The following NBEA variants were observed in gnomAD, a reference collection of about 807,000 sequenced individuals.
The protein encoded by NBEA is neurobeachin.
A neutral mutation model predicts 343.4 loss-of-function variants in NBEA; 44 were observed. That is an observed-to-expected ratio of 0.13 (90% CI 0.10 to 0.16). NBEA has a LOEUF of 0.16. Among genes scored for constraint, NBEA ranks in the 10% least tolerant of loss-of-function variants. The pLI is 1.00. For missense variants in NBEA, 2,555 were observed against 3,631.3 expected (o/e 0.70, Z 7.62); for synonymous variants, 1,175 against 1,238.7 (o/e 0.95, Z 1.08).
chr13:34,942,506 G>T lies in NBEA; in HGVS notation c.-315G>T, dbSNP rs1458249276. The T allele has an allele frequency of 1.6e-5, 3 of 189,800 alleles. No homozygotes were observed. The highest frequency in any genetic ancestry group is 3.2e-5 in the Non-Finnish European group (3 of 93,684). 11.8% of individuals were successfully genotyped at this position (189,800 alleles called of 1,614,324 possible). On this transcript the variant is annotated 5_prime_UTR_variant, in exon 1 of 59. Transcript: ENST00000379939. ...GCCGGGCCGGACAGACCGGGAGAGG[G>T]AGAGAGCAGAGGCAGCGGCGGCGGC...
At chr13:35,426,654 G>C (rs1422411417) in intron 38 of NBEA, among the ~76,000 whole-genome samples, 1 of 152,098 alleles carries the variant, frequency 6.6e-6, no homozygotes, top group Non-Finnish European at 1.5e-5. Flanking sequence ...GAGTATCTTT[G>C]TGGCGGTCTC....
intron 1 of NBEA, among the ~76,000 whole-genome samples, chr13:34,978,134 A>G (rs1457376939): frequency 6.6e-6 from 1 of 152,158 alleles, no homozygotes; most frequent in Admixed American, 6.5e-5. Flanking sequence ...CAATCTTCAA[A>G]CCTTGGGATG....
At chr13:35,179,187 T>C (rs1294568214) in intron 28 of NBEA, among the ~76,000 whole-genome samples, 1 of 151,624 alleles carries the variant, frequency 6.6e-6, no homozygotes, top group East Asian at 1.9e-4. Flanking sequence ...CTCTACCTTA[T>C]ACCAGTTGTG....
chr13:35,358,626 G>A (rs1045526775), intron 38 of NBEA, among the ~76,000 whole-genome samples: 3 of 151,944 alleles, frequency 2.0e-5, no homozygotes, highest in East Asian at 3.9e-4. Context: ...TCTGAAACAG[G>A]AGAATCACTT....
chr13:35,381,707 C>A (rs141918763), intron 38 of NBEA, among the ~76,000 whole-genome samples: 156 of 152,098 alleles, frequency 1.0e-3, no homozygotes, highest in African/African-American at 3.6e-3. Context: ...CTGTAAGCAA[C>A]TCAATTTTAC....
In NBEA at chr13:35,667,552, G is replaced by A. The variant is rs1487421262; in HGVS notation, c.8643G>A (p.Glu2881=). ...ATGGGAAACTTTTGGCTCAAATGGA[G>A]ATCAATGATTCAACACGGGTAAATC... ...SINGKLLAQM[E]INDSTRAILL... The change falls in exon 57 of 59, where the codon GAG becomes GAA. Residue 2881 remains glutamate (E), a synonymous_variant. Transcript: ENST00000379939. 3 of 1,613,876 alleles carry A rather than the reference G, an allele frequency of 1.9e-6. No homozygotes were observed. The highest frequency in any genetic ancestry group is 2.2e-5 in the South Asian group (2 of 91,082).
At chr13:34,983,872 T>A (rs923601819) in intron 1 of NBEA, among the ~76,000 whole-genome samples, 1 of 152,190 alleles carries the variant, frequency 6.6e-6, no homozygotes, top group Non-Finnish European at 1.5e-5. Context: ...TGGGGTTGTT[T>A]TTTTCTTGTA....
chr13:35,445,988 C>T (rs188206123), intron 39 of NBEA, among the ~76,000 whole-genome samples: 2,769 of 151,038 alleles, frequency 0.018, 111 homozygotes, highest in African/African-American at 0.063. Flanking sequence ...CACAACAGGC[C>T]CCAGTGTGTG....
At chr13:35,267,057 TG>T (rs1210687170) in intron 34 of NBEA, among the ~76,000 whole-genome samples, 1 of 151,932 alleles carries the variant, frequency 6.6e-6, no homozygotes. Flanking sequence ...TAAGTGGAAG[TG>T]GATCACTATA....
At chr13:35,160,135 G>A in intron 22 of NBEA, 103 bp downstream of exon 22, 1 of 1,066,498 alleles carries the variant, frequency 9.4e-7, no homozygotes, top group Non-Finnish European at 1.3e-6. Flanking sequence ...TGTTTATATT[G>A]AATTATAGTA....
chr13:35,114,794 A>G (rs777184579), intron 13 of NBEA, among the ~76,000 whole-genome samples: 2 of 152,176 alleles, frequency 1.3e-5, no homozygotes, highest in Non-Finnish European at 2.9e-5. Flanking sequence ...TTACTTTAAC[A>G]TTTTAATACT....
intron 1 of NBEA, among the ~76,000 whole-genome samples, chr13:35,034,282 C>T (rs1258931535): frequency 6.6e-6 from 1 of 151,372 alleles, no homozygotes; most frequent in Non-Finnish European, 1.5e-5. Context: ...TGTGGTTTTT[C>T]TTCATTCTGC....
At chr13:35,606,872 A>AT (rs2082301653) in intron 48 of NBEA, among the ~76,000 whole-genome samples, 1 of 152,288 alleles carries the variant, frequency 6.6e-6, no homozygotes, top group Admixed American at 6.5e-5. Context: ...AATGTATTCT[A>AT]AAGTGCTTAA....
At chr13:35,067,659 A>G (rs2063705267) in intron 8 of NBEA, among the ~76,000 whole-genome samples, 1 of 152,244 alleles carries the variant, frequency 6.6e-6, no homozygotes, top group Non-Finnish European at 1.5e-5. Context: ...TCTTCCTCTG[A>G]AAATCCTTCT....
chr13:35,445,796 ATATATATATATATATATATATG>A (rs1403285492), intron 39 of NBEA, among the ~76,000 whole-genome samples: 65 of 83,304 alleles, frequency 7.8e-4, no homozygotes, highest in East Asian at 6.9e-3. Flanking sequence ...ATATATATAT[ATATATATATATATATATATATG>A]TATATATATA....
At chr13:35,151,755 T>C (rs2068805065) in intron 18 of NBEA, among the ~76,000 whole-genome samples, 1 of 152,136 alleles carries the variant, frequency 6.6e-6, no homozygotes, top group Non-Finnish European at 1.5e-5. Flanking sequence ...GGACCTCTTT[T>C]TGAAATTACT....
intron 38 of NBEA, among the ~76,000 whole-genome samples, chr13:35,397,336 T>G (rs924519078): frequency 7.2e-5 from 11 of 152,204 alleles, no homozygotes; most frequent in Admixed American, 2.0e-4. Flanking sequence ...CATTGAGCTG[T>G]CAGCTCATAT....
At chr13:35,075,873 C>T (rs930520122) in intron 10 of NBEA, among the ~76,000 whole-genome samples, 13 of 151,982 alleles carry the variant, frequency 8.6e-5, no homozygotes, top group Non-Finnish European at 1.6e-4. Context: ...CAGATTTCCT[C>T]ATACACTTAG....
At chr13:35,022,086 T>G (rs766256665) in intron 1 of NBEA, among the ~76,000 whole-genome samples, 5 of 152,136 alleles carry the variant, frequency 3.3e-5, no homozygotes, top group Admixed American at 6.6e-5. Context: ...GATTTTTACT[T>G]GTTAGACTAA....
Sources: gnomAD v4.1 joint callset for allele counts (sites outside exome capture counted in the v4.1 genomes callset) on GRCh38, gnomAD v4.1.1 for gene constraint, MANE v1.5 for transcripts, NCBI Gene and HGNC (gene_info 2026-07-23, HGNC 2026-07-21) for gene names.